The following GFOD2 variants were observed in gnomAD, a reference collection of about 807,000 sequenced individuals.
GFOD2 encodes Gfo/Idh/MocA-like oxidoreductase domain containing 2, also known as glucose-fructose oxidoreductase domain-containing protein 2.
In GFOD2, 9 loss-of-function variants were observed where a neutral mutation model predicts 24.6. The observed-to-expected ratio is 0.37, with a 90% confidence interval of 0.22 to 0.64. The LOEUF (loss-of-function observed/expected upper bound fraction) is 0.64. GFOD2 is among the 30% of genes least tolerant of loss of function. The pLI is 0.65. For missense variants in GFOD2, 476 were observed against 532.5 expected, an observed-to-expected ratio of 0.89 and a Z score of 1.04; for synonymous variants, 211 against 224.8, an observed-to-expected ratio of 0.94 and a Z score of 0.55.
At chr16:67,687,485 C>CA (rs2053276148) in intron 1 of GFOD2, among the ~76,000 whole-genome samples, 1 of 150,510 alleles carries the variant, frequency 6.6e-6, no homozygotes, top group African/African-American at 2.4e-5. Context: ...CTAAAAAATA[C>CA]AAAAAATTAG....
intron 1 of GFOD2, among the ~76,000 whole-genome samples, chr16:67,705,116 A>G (rs2053430075): frequency 6.6e-6 from 1 of 152,194 alleles, no homozygotes; most frequent in African/African-American, 2.4e-5. Flanking sequence ...GAAATATAGG[A>G]GTTGAATAGT....
At chr16:67,692,810 A>T (rs2053324876) in intron 1 of GFOD2, among the ~76,000 whole-genome samples, 1 of 151,692 alleles carries the variant, frequency 6.6e-6, no homozygotes, top group Non-Finnish European at 1.5e-5. Context: ...GCGAATCACG[A>T]GGTCAGGAGA....
chr16:67,708,057 A>G (rs2098413656), intron 1 of GFOD2, among the ~76,000 whole-genome samples: 1 of 152,226 alleles, frequency 6.6e-6, no homozygotes, highest in African/African-American at 2.4e-5. Flanking sequence ...AGTGATGGAA[A>G]TGTTCTGTAT....
At chr16:67,686,065 G>A (rs2053263886) in intron 1 of GFOD2, among the ~76,000 whole-genome samples, 1 of 152,102 alleles carries the variant, frequency 6.6e-6, no homozygotes, top group African/African-American at 2.4e-5. Flanking sequence ...TTGAGGCCAG[G>A]AGTTTGAGAG....
rs1040879094 is a variant in GFOD2 at position 67,688,917 on chromosome 16, T to C, written c.-87-3115A>G. ...TGCCCAGCTAATTTTTTTTTTGTATTTTTAGTAGAGACGGGGTTTCACCGT... is the reference window on the plus strand; with the variant it reads ...TGCCCAGCTAATTTTTTTTTTGTATCTTTAGTAGAGACGGGGTTTCACCGT... On this transcript the variant is annotated intron_variant, in intron 1 of 2. Transcript: ENST00000268797. Among the ~76,000 whole-genome samples the C allele has an allele frequency of 1.6e-4, 24 of 151,838 alleles. 1 individual carries two copies. Among genetic ancestry groups the C allele is most frequent in the Admixed American group, 1.3e-3 (20 of 15,240 alleles).
chr16:67,694,876 G>A (rs1414284914), intron 1 of GFOD2, among the ~76,000 whole-genome samples: 1 of 151,602 alleles, frequency 6.6e-6, no homozygotes, highest in African/African-American at 2.4e-5. Context: ...CTTGCCTCCT[G>A]TACTCTCACT....
At chr16:67,685,391 T>C (rs1208480672) in intron 2 of GFOD2, 66 bp downstream of exon 2, 1 of 1,604,154 alleles carries the variant, frequency 6.2e-7, no homozygotes, top group Admixed American at 1.7e-5. Context: ...AGGAGAGGAG[T>C]GACCCTCAGA....
At chr16:67,691,334 A>C (rs1193353137) in intron 1 of GFOD2, among the ~76,000 whole-genome samples, 1 of 152,026 alleles carries the variant, frequency 6.6e-6, no homozygotes, top group Non-Finnish European at 1.5e-5. Flanking sequence ...CAGCCTCCTG[A>C]GTAGCTGGGA....
intron 1 of GFOD2, among the ~76,000 whole-genome samples, chr16:67,692,229 A>G (rs753967389): frequency 9.2e-4 from 107 of 116,796 alleles, no homozygotes; most frequent in Admixed American, 1.4e-3. Context: ...TGAACTTGGT[A>G]AAAAAAAAAA....
chr16:67,692,795 G>C (rs2053324438), intron 1 of GFOD2, among the ~76,000 whole-genome samples: 1 of 151,474 alleles, frequency 6.6e-6, no homozygotes, highest in Non-Finnish European at 1.5e-5. Context: ...GGGAGGCTGA[G>C]GAGGGCGAAT....
intron 2 of GFOD2, among the ~76,000 whole-genome samples, chr16:67,679,926 G>T (rs1045408439): frequency 2.0e-5 from 3 of 151,574 alleles, no homozygotes; most frequent in Admixed American, 1.3e-4. Context: ...AAAAAACAGG[G>T]TCTTGCTTTG....
At chr16:67,682,926 A>C (rs2053239048) in intron 2 of GFOD2, 1 of 687,332 alleles carries the variant, frequency 1.5e-6, no homozygotes, top group Non-Finnish European at 1.8e-6. Flanking sequence ...TGGATCCCAG[A>C]GATTCAGTAG....
At chr16:67,682,914 G>A in intron 2 of GFOD2, 2 of 769,328 alleles carry the variant, frequency 2.6e-6, no homozygotes, top group Non-Finnish European at 3.2e-6. Flanking sequence ...GACACAGATA[G>A]CTGGATCCCA....
At chr16:67,713,782 T>C (rs906458220) in intron 1 of GFOD2, among the ~76,000 whole-genome samples, 1 of 152,082 alleles carries the variant, frequency 6.6e-6, no homozygotes, top group Non-Finnish European at 1.5e-5. Context: ...ACGATCAACT[T>C]AACCTTCAGT....
In GFOD2 at chr16:67,688,870, G is replaced by T. The variant is rs561158156; in HGVS notation, c.-87-3068C>A. Among the ~76,000 whole-genome samples, 4 of 151,200 alleles carry T rather than the reference G, an allele frequency of 2.6e-5. No homozygotes were observed. In the South Asian group the frequency reaches 8.4e-4, roughly 32 times the overall value. On this transcript the variant is annotated intron_variant, in intron 1 of 2. Coordinates refer to ENST00000268797, the MANE Select transcript of GFOD2 (RefSeq NM_030819.4). ...CCGCCTCAGCCTCCCAAGTAGCTGG[G>T]ACTACAGACGCCCCCCCACCATGCC...
chr16:67,675,336 G>A lies in GFOD2; in HGVS notation c.977C>T (p.Thr326Ile). ...QSFQGQGDRRTWDRTPVSMAA... is the reference protein window; with the variant it reads ...QSFQGQGDRRIWDRTPVSMAA... ...CATGGAGACAGGGGTGCGGTCCCAG[G>A]TGCGGCGGTCGCCCTGCCCCTGGAA... is the stretch of plus-strand genomic sequence containing the variant. Residue 326 changes from threonine (T) to isoleucine (I), a missense_variant, in exon 3 of 3, where the codon ACC becomes ATC. By Grantham distance (89) the Thr-to-Ile change is moderately conservative (BLOSUM62 -1). Transcript: ENST00000268797. 1 of 1,613,276 alleles carries A rather than the reference G, an allele frequency of 6.2e-7. No individual in the cohort carries two copies. Among genetic ancestry groups the A allele is most frequent in the South Asian group, 1.1e-5 (1 of 91,080 alleles).
chr16:67,694,093 G>A (rs578085279), intron 1 of GFOD2, among the ~76,000 whole-genome samples: 2 of 151,904 alleles, frequency 1.3e-5, no homozygotes, highest in South Asian at 4.2e-4. Context: ...CTCTGAGGCT[G>A]AGGCGATTCT....
chr16:67,706,435 G>A, intron 1 of GFOD2, among the ~76,000 whole-genome samples: 1 of 152,114 alleles, frequency 6.6e-6, no homozygotes, highest in South Asian at 2.1e-4. Context: ...TTCAGCCAAA[G>A]CATTAAATCA....
At position 67,675,809 on chromosome 16, in the gene GFOD2, C is replaced by T; in HGVS notation, c.504G>A (p.Glu168=). 3 of 1,614,170 alleles carry T rather than the reference C, an allele frequency of 1.9e-6. No homozygotes were observed. Among genetic ancestry groups the T allele is most frequent in the Non-Finnish European group, 2.5e-6 (3 of 1,180,040 alleles). The change falls in exon 3 of 3, where the codon GAG becomes GAA. Residue 168 remains glutamate, a synonymous_variant. Transcript: ENST00000268797. Reference sequence around the variant, plus strand: ...TGTGCAAGCCCCCGCCGCCCATGAGCTCATCACAGATCCAGCCATAGCTGG... The same window carrying T: ...TGTGCAAGCCCCCGCCGCCCATGAGTTCATCACAGATCCAGCCATAGCTGG... ...LSPSYGWICD[E]LMGGGGLHTM... is the part of the protein sequence containing the mutation.
Sources: gnomAD v4.1 joint callset for allele counts (sites outside exome capture counted in the v4.1 genomes callset) on GRCh38, gnomAD v4.1.1 for gene constraint, MANE v1.5 for transcripts, NCBI Gene and HGNC (gene_info 2026-07-23, HGNC 2026-07-21) for gene names.